Variants in XKRX observed in about 807,000 individuals in gnomAD.
XKRX encodes XK-related protein 2.
In XKRX, 11 loss-of-function variants were observed where a neutral mutation model predicts 22.4. That is an observed-to-expected ratio of 0.49 (90% CI 0.31 to 0.81). XKRX has a LOEUF of 0.81. Among genes scored for constraint, XKRX ranks in the 40% least tolerant of loss-of-function variants. XKRX has a pLI of 0.05. For synonymous variants in XKRX, 114 were observed against 132.2 expected (o/e 0.86, Z 0.94); for missense variants, 320 against 336.5 (o/e 0.95, Z 0.38).
the XKRX span, among the ~76,000 whole-genome samples, chrX:100,937,247 T>C: frequency 9.0e-6 from 1 of 111,092 alleles, no homozygotes; most frequent in South Asian, 3.8e-4. Flanking sequence ...CGCCTTGGCC[T>C]CCCAAAGTGC....
chrX:100,887,141 A>G, the XKRX span, among the ~76,000 whole-genome samples: 1 of 111,811 alleles, frequency 8.9e-6, no homozygotes, highest in East Asian at 2.8e-4. Context: ...CAATTCAATT[A>G]CACCAAGGTT....
At chrX:100,905,976 G>C in the XKRX span, among the ~76,000 whole-genome samples, 2 of 111,716 alleles carry the variant, frequency 1.8e-5, no homozygotes, top group African/African-American at 6.5e-5. Context: ...CTACAAAGAT[G>C]CATTTAAAAT....
chrX:100,932,945 G>C (rs960165914), upstream of XKRX, among the ~76,000 whole-genome samples: 2 of 111,191 alleles, frequency 1.8e-5, no homozygotes, highest in African/African-American at 6.5e-5. Flanking sequence ...TGGGAGGATT[G>C]CTTGAGCCCA....
chrX:100,908,413 G>A, the XKRX span, among the ~76,000 whole-genome samples: 3 of 111,337 alleles, frequency 2.7e-5, no homozygotes, highest in South Asian at 7.6e-4. Context: ...CACTGCGCCC[G>A]GCCAGAATGT....
the XKRX span, among the ~76,000 whole-genome samples, chrX:100,897,690 CAAAAAAAAAA>C: frequency 1.5e-4 from 2 of 12,976 alleles, no homozygotes; most frequent in Non-Finnish European, 3.2e-4. Context: ...AACTCAACAG[CAAAAAAAAAA>C]AAAAAAAAAA....
chrX:100,937,735 G>A, the XKRX span, among the ~76,000 whole-genome samples: 1 of 111,873 alleles, frequency 8.9e-6, no homozygotes, highest in African/African-American at 3.2e-5. Flanking sequence ...TGATTTCCTT[G>A]GGCTGCAAAC....
chrX:100,901,080 G>A, the XKRX span, among the ~76,000 whole-genome samples: 236 of 111,324 alleles, frequency 2.1e-3, no homozygotes, highest in African/African-American at 6.6e-3. Flanking sequence ...GTGAGCCACC[G>A]CACCTGGCCC....
intron 2 of XKRX, among the ~76,000 whole-genome samples, chrX:100,921,133 G>A (rs780348252): frequency 9.0e-6 from 1 of 111,532 alleles, no homozygotes; most frequent in East Asian, 2.8e-4. Context: ...CCTGACCTCA[G>A]GTGATCCACC....
At chrX:100,923,872 T>C (rs2085486189) in intron 1 of XKRX, among the ~76,000 whole-genome samples, 1 of 101,051 alleles carries the variant, frequency 9.9e-6, no homozygotes, top group Non-Finnish European at 2.0e-5. Flanking sequence ...AGTCTTGCTC[T>C]GTCGCCCAGG....
intron 2 of XKRX, among the ~76,000 whole-genome samples, chrX:100,917,678 G>GAAAGAAAGAAAGA (rs1569454741): frequency 1.9e-4 from 13 of 69,611 alleles, no homozygotes; most frequent in African/African-American, 7.1e-4. Context: ...AGAAAGAAAA[G>GAAAGAAAGAAAGA]AAAGAAAGAA....
At chrX:100,903,996 T>C in the XKRX span, among the ~76,000 whole-genome samples, 1 of 111,673 alleles carries the variant, frequency 9.0e-6, no homozygotes, top group Non-Finnish European at 1.9e-5. Context: ...TTCTAAAGTA[T>C]TTATGGAGAA....
the XKRX span, among the ~76,000 whole-genome samples, chrX:100,899,640 C>T: frequency 2.7e-5 from 3 of 112,513 alleles, 1 homozygote. Context: ...TTCGAACTAA[C>T]AAAGTTACAG....
upstream of XKRX, among the ~76,000 whole-genome samples, chrX:100,930,592 G>C (rs1023132621): frequency 6.3e-5 from 7 of 111,459 alleles, no homozygotes; most frequent in African/African-American, 2.3e-4. Context: ...GCTAGCAGCT[G>C]GGCTAGGAGG....
chrX:100,915,408 G>A (rs772205112), intron 2 of XKRX, among the ~76,000 whole-genome samples: 13 of 110,456 alleles, frequency 1.2e-4, no homozygotes, highest in African/African-American at 4.3e-4. Flanking sequence ...AAGTGTTGGT[G>A]GGGATGTAAG....
chrX:100,914,845 G>A lies in XKRX; in HGVS notation c.843C>T (p.Leu281=), dbSNP rs772989506. The A allele has an allele frequency of 4.1e-6, 5 of 1,211,884 alleles. No homozygotes were observed. The South Asian group carries it at 7.0e-5, about 17-fold the overall frequency. ...TCCAGAACTTAATCCAGGGCTCAAA[G>A]AGGATGATCAGGAAGTTGAGCACTA... ...PFLVLNFLII[L]FEPWIKFWRS... is the part of the protein sequence containing the mutation. The change falls in exon 3 of 3, where the codon CTC becomes CTT. Residue 281 remains leucine (L), a synonymous_variant. Coordinates refer to ENST00000372956, the MANE Select transcript of XKRX (RefSeq NM_212559.3).
downstream of XKRX, among the ~76,000 whole-genome samples, chrX:100,911,735 C>T (rs1259907778): frequency 1.8e-5 from 2 of 112,135 alleles, no homozygotes; most frequent in Non-Finnish European, 3.8e-5. Context: ...TTCACAATTC[C>T]ATCTTCTCCT....
the XKRX span, among the ~76,000 whole-genome samples, chrX:100,891,252 T>C: frequency 9.0e-6 from 1 of 111,509 alleles, no homozygotes; most frequent in Admixed American, 9.6e-5. Flanking sequence ...ATTGTTAAAA[T>C]GTCCATGCTA....
chrX:100,910,774 G>A, downstream of XKRX: 13 of 760,412 alleles, frequency 1.7e-5, no homozygotes, highest in South Asian at 2.9e-4. Context: ...GGATTACCAT[G>A]AGAAAAAGAG....
the XKRX span, among the ~76,000 whole-genome samples, chrX:100,894,366 AT>A: frequency 8.9e-6 from 1 of 112,431 alleles, no homozygotes; most frequent in Non-Finnish European, 1.9e-5. Flanking sequence ...GCTGTACACC[AT>A]AAATATATAC....
Sources: gnomAD v4.1 joint callset for allele counts (sites outside exome capture counted in the v4.1 genomes callset) on GRCh38, gnomAD v4.1.1 for gene constraint, MANE v1.5 for transcripts, NCBI Gene and HGNC (gene_info 2026-07-23, HGNC 2026-07-21) for gene names.